PDE1C: variants seen among roughly 807,000 people sequenced by gnomAD.
PDE1C encodes the protein phosphodiesterase 1C, also known as dual specificity calcium/calmodulin-dependent 3',5'-cyclic nucleotide phosphodiesterase 1C.
In PDE1C, 62 loss-of-function variants were observed where a neutral mutation model predicts 93.1. The observed-to-expected ratio is 0.67, with a 90% CI of 0.54 to 0.82. The LOEUF (loss-of-function observed/expected upper bound fraction) is 0.82, where lower values mean the gene tolerates loss of function less well. PDE1C is among the 40% of genes least tolerant of loss of function. The pLI is 0.00. For synonymous variants in PDE1C, 325 were observed against 310.1 expected, an observed-to-expected ratio of 1.05 and a Z score of -0.50; for missense variants, 742 against 884.6, an observed-to-expected ratio of 0.84 and a Z score of 2.04.
intron 1 of PDE1C, among the ~76,000 whole-genome samples, chr7:32,265,085 G>A (rs1486828622): frequency 1.3e-5 from 2 of 152,212 alleles, no homozygotes; most frequent in East Asian, 3.8e-4. Flanking sequence ...TAACAAAACA[G>A]ACAGAGTGGC....
At chr7:32,392,270 C>T (rs887435103) in intron 1 of PDE1C, among the ~76,000 whole-genome samples, 9 of 152,046 alleles carry the variant, frequency 5.9e-5, no homozygotes, top group African/African-American at 2.2e-4. Context: ...CTGACTAAAC[C>T]TATAAGTAAT....
chr7:32,020,812 T>A (rs1788562665), intron 2 of PDE1C, among the ~76,000 whole-genome samples: 1 of 152,172 alleles, frequency 6.6e-6, no homozygotes, highest in African/African-American at 2.4e-5. Flanking sequence ...ATGAGGATCA[T>A]ATAGTATTTG....
At chr7:32,208,551 G>A (rs1345193995) in intron 2 of PDE1C, among the ~76,000 whole-genome samples, 4 of 152,100 alleles carry the variant, frequency 2.6e-5, no homozygotes, top group Non-Finnish European at 5.9e-5. Flanking sequence ...TTTTCCAGGT[G>A]CGAAGACAGA....
chr7:31,850,689 T>C lies in PDE1C; in HGVS notation c.803A>G (p.His268Arg), dbSNP rs776550904. 1.9e-6 allele frequency: 3 copies of C among 1,613,640 alleles called. No homozygotes were observed. Among genetic ancestry groups the C allele is most frequent in the African/African-American group, 1.3e-5 (1 of 75,012 alleles). Residue 268 changes from histidine to arginine, a missense_variant, in exon 8 of 18, where the codon CAT becomes CGT. His to Arg is a conservative substitution (Grantham distance 29). This residue lies in a region of PDE1C where 205 missense variants were observed against 295.3 expected (regional missense o/e 0.69). Coordinates refer to ENST00000396191, the MANE Select transcript of PDE1C (RefSeq NM_001191057.4). Reference protein sequence around the residue: ...IFAIIFSAAIHDYEHTGTTNN... With the variant: ...IFAIIFSAAIRDYEHTGTTNN... ...GGTGGTTCCGGTATGCTCGTAGTCA[T>C]GGATGGCAGCTGAGAAGATTATAGC... is the stretch of plus-strand genomic sequence containing the variant.
chr7:32,033,804 G>A (rs1790653203), intron 2 of PDE1C, among the ~76,000 whole-genome samples: 1 of 152,114 alleles, frequency 6.6e-6, no homozygotes. Context: ...ACAGTACCCT[G>A]ATTTATTAAC....
chr7:32,291,934 AC>A (rs1393673753), intron 1 of PDE1C, among the ~76,000 whole-genome samples: 1 of 152,126 alleles, frequency 6.6e-6, no homozygotes, highest in African/African-American at 2.4e-5. Flanking sequence ...TAAGGTGCTA[AC>A]CCCATCTCTG....
intron 2 of PDE1C, among the ~76,000 whole-genome samples, chr7:32,040,989 C>G (rs1791739092): frequency 6.6e-6 from 1 of 152,154 alleles, no homozygotes; most frequent in African/African-American, 2.4e-5. Context: ...TGCTTCCTAC[C>G]TGTTCCCTTA....
Position 32,379,125 on chromosome 7 carries a change from G to A in PDE1C, c.310+48697C>T, listed in dbSNP as rs116499619. 4.0e-3 allele frequency among the ~76,000 whole-genome samples: 610 copies of A among 152,210 alleles called. 7 individuals carry two copies. The highest frequency in any genetic ancestry group is 0.013 in the African/African-American group (559 of 41,504). On this transcript the variant is annotated intron_variant, in intron 1 of 1. Coordinates refer to the PDE1C transcript ENST00000672256. ...TTCAGTTCCAGCTCCACTGAAAGAC[G>A]TGCAGTTCCCTGAGAGAAGGCTCAT...
chr7:32,067,948 G>C (rs1795594098), intron 1 of PDE1C, among the ~76,000 whole-genome samples: 1 of 152,116 alleles, frequency 6.6e-6, no homozygotes, highest in Non-Finnish European at 1.5e-5. Context: ...CATTCTAATG[G>C]AGGAGATGAA....
intron 2 of PDE1C, among the ~76,000 whole-genome samples, chr7:31,953,285 G>A (rs1807662386): frequency 6.6e-6 from 1 of 152,166 alleles, no homozygotes; most frequent in Admixed American, 6.5e-5. Flanking sequence ...CCCATAACTT[G>A]GCTTAATGGA....
chr7:32,062,218 G>T (rs902819003), intron 1 of PDE1C, among the ~76,000 whole-genome samples: 1 of 152,160 alleles, frequency 6.6e-6, no homozygotes, highest in Non-Finnish European at 1.5e-5. Context: ...AAAACCCTGC[G>T]AGTTGACCTT....
intron 2 of PDE1C, among the ~76,000 whole-genome samples, chr7:32,027,581 G>GGA (rs1554473962): frequency 1.0e-5 from 1 of 98,232 alleles, no homozygotes; most frequent in Non-Finnish European, 1.8e-5. Flanking sequence ...TGCAAAGGCA[G>GGA]AAAAAAAAAA....
chr7:31,802,401 A>G (rs892259138), intron 16 of PDE1C, among the ~76,000 whole-genome samples: 1 of 151,616 alleles, frequency 6.6e-6, no homozygotes, highest in African/African-American at 2.4e-5. Context: ...TCATTTTTGT[A>G]TATGTTATAA....
At chr7:31,705,986 A>ATTTTTTTTTTTTTT in the PDE1C span, among the ~76,000 whole-genome samples, 30 of 52,514 alleles carry the variant, frequency 5.7e-4, 1 homozygote, top group African/African-American at 1.8e-3. Context: ...CAGACCAGTA[A>ATTTTTTTTTTTTTT]TTTTTTTTTT....
intron 2 of PDE1C, among the ~76,000 whole-genome samples, chr7:32,018,040 A>G (rs1788147517): frequency 6.6e-6 from 1 of 151,806 alleles, no homozygotes; most frequent in Non-Finnish European, 1.5e-5. Flanking sequence ...AGATTCCACC[A>G]CTGCATTCCA....
chr7:32,015,959 A>G (rs1054558168), intron 2 of PDE1C, among the ~76,000 whole-genome samples: 9 of 152,130 alleles, frequency 5.9e-5, no homozygotes, highest in Admixed American at 5.9e-4. Context: ...ACTAGCTAAA[A>G]TAGGGACAAG....
intron 1 of PDE1C, among the ~76,000 whole-genome samples, chr7:32,220,997 AATGATGCCATCCTTCCAGAGGTCTTC>A (rs1237732790): frequency 6.6e-6 from 1 of 152,128 alleles, no homozygotes; most frequent in Non-Finnish European, 1.5e-5. Flanking sequence ...TCTTCTTCGT[AATGATGCCATCCTTCCAGAGGTCTTC>A]ATGCTGCCCC....
exon 1 of PDE1C, chr7:32,298,914 A>G: frequency 7.4e-7 from 1 of 1,353,456 alleles, no homozygotes; most frequent in Non-Finnish European, 9.4e-7. Context: ...CGGGGACCCA[A>G]TGTCAACAGC....
At chr7:32,003,030 A>G (rs1428574846) in intron 2 of PDE1C, among the ~76,000 whole-genome samples, 2 of 152,248 alleles carry the variant, frequency 1.3e-5, no homozygotes, top group Non-Finnish European at 2.9e-5. Context: ...ATACTAAACC[A>G]TCAGCACTAT....
Sources: gnomAD v4.1 joint callset for allele counts (sites outside exome capture counted in the v4.1 genomes callset) on GRCh38, gnomAD v4.1.1 for gene constraint, gnomAD v4.1.1 regional missense constraint, MANE v1.5 for transcripts, NCBI Gene and HGNC (gene_info 2026-07-23, HGNC 2026-07-21) for gene names.